Variants in BDP1 observed in about 807,000 individuals in gnomAD.
The protein encoded by BDP1 is transcription factor TFIIIB component B'' homolog.
BDP1 carries 169 observed loss-of-function variants against 266.6 expected under a neutral mutation model. The observed-to-expected ratio is 0.63, with a 90% confidence interval of 0.56 to 0.72. BDP1 has a LOEUF of 0.72. BDP1 is among the 30% of genes least tolerant of loss of function. The pLI is 0.00. For synonymous variants in BDP1, 1,090 were observed against 1,022.4 expected (o/e 1.07, Z -1.26); for missense variants, 3,015 against 3,053.8 (o/e 0.99, Z 0.30).
At chr5:71,506,781 T>TATATATATATATATATATATA in intron 16 of BDP1, among the ~76,000 whole-genome samples, 4 of 106,708 alleles carry the variant, frequency 3.7e-5, no homozygotes, top group African/African-American at 1.3e-4. Flanking sequence ...TATATATATA[T>TATATATATATATATATATATA]TTGAAACACA....
At chr5:71,464,431 G>C (rs892436930) in intron 4 of BDP1, among the ~76,000 whole-genome samples, 2 of 152,072 alleles carry the variant, frequency 1.3e-5, no homozygotes, top group Non-Finnish European at 2.9e-5. Flanking sequence ...CATGTTCAAG[G>C]CTGTAGTGAA....
chr5:71,487,050 T>A (rs1763302467), intron 9 of BDP1, among the ~76,000 whole-genome samples: 1 of 152,220 alleles, frequency 6.6e-6, no homozygotes, highest in Admixed American at 6.5e-5. Context: ...AAGGCTAATG[T>A]TGAGTTGTAA....
intron 31 of BDP1, 94 bp from the exon 32 acceptor site, chr5:71,544,945 C>A: frequency 3.4e-6 from 3 of 882,556 alleles, no homozygotes; most frequent in East Asian, 3.0e-5. Context: ...GTTTGAAAAC[C>A]ATTGAATTAG....
chr5:71,556,643 G>C (rs534793140), intron 35 of BDP1, among the ~76,000 whole-genome samples: 4 of 151,950 alleles, frequency 2.6e-5, no homozygotes, highest in Non-Finnish European at 5.9e-5. Context: ...CTATTTCTTT[G>C]ATACTTTTGC....
intron 18 of BDP1, 43 bp downstream of exon 18, chr5:71,512,471 G>C (rs778035169): frequency 1.5e-6 from 2 of 1,296,480 alleles, no homozygotes; most frequent in Non-Finnish European, 2.1e-6. Flanking sequence ...AGTTATAGTT[G>C]CAGATTACGT....
intron 16 of BDP1, among the ~76,000 whole-genome samples, chr5:71,508,653 A>G (rs1580102126): frequency 6.6e-6 from 1 of 152,144 alleles, no homozygotes; most frequent in Admixed American, 6.6e-5. Context: ...GCCGAATACA[A>G]TCTAGTGTTT....
intron 26 of BDP1, among the ~76,000 whole-genome samples, chr5:71,533,464 G>A (rs1766381186): frequency 6.9e-6 from 1 of 144,804 alleles, no homozygotes; most frequent in South Asian, 2.2e-4. Flanking sequence ...TTTTTGTTCG[G>A]TGGATTTTTT....
In BDP1 at chr5:71,524,164, C is replaced by G; in HGVS notation, c.5613C>G (p.Ser1871=). The change falls in exon 25 of 39, where the codon TCC becomes TCG. Residue 1871 remains serine (S), a synonymous_variant. Transcript: ENST00000358731. ...SKAMLVTLRA[S]QEEDDDADDF... is the part of the protein sequence containing the mutation. ...CCATGCTGGTGACTCTTCGGGCTTC[C>G]CAGGAAGAAGATGATGATGCTGACG... is the stretch of plus-strand genomic sequence containing the variant. 3 of 1,614,126 alleles carry G rather than the reference C, an allele frequency of 1.9e-6. No homozygotes were observed. The highest frequency in any genetic ancestry group is 2.5e-6 in the Non-Finnish European group (3 of 1,180,016).
chr5:71,545,930 G>A (rs959959119), intron 32 of BDP1, among the ~76,000 whole-genome samples: 1 of 152,044 alleles, frequency 6.6e-6, no homozygotes. Context: ...AGCCTGGGAG[G>A]TAGAGGCTGC....
At chr5:71,519,112 G>T (rs995681398) in intron 22 of BDP1, among the ~76,000 whole-genome samples, 25 of 151,892 alleles carry the variant, frequency 1.6e-4, no homozygotes, top group Non-Finnish European at 3.1e-4. Flanking sequence ...GAGCCACTGC[G>T]CCCAACCTGG....
chr5:71,497,549 C>T, intron 13 of BDP1, 123 bp downstream of exon 13: 2 of 681,944 alleles, frequency 2.9e-6, no homozygotes, highest in Non-Finnish European at 4.8e-6. Context: ...GATACAAGAA[C>T]TTACATTAAC....
chr5:71,467,431 C>T lies in BDP1; in HGVS notation c.863C>T (p.Thr288Ile), dbSNP rs1761971547. Residue 288 changes from threonine (T) to isoleucine (I), a missense_variant, in exon 6 of 39, where the codon ACA becomes ATA. Physicochemically the swap from Thr to Ile is moderately conservative, Grantham distance 89. Transcript: ENST00000358731. ...ENDPIFERGS[T>I]TTYSSFRKNY... is the part of the protein sequence containing the mutation. ...GACCCCATATTTGAGCGCGGTTCTA[C>T]AACTACATACTCCAGCTTTAGGAAA... is the stretch of plus-strand genomic sequence containing the variant. The T allele has an allele frequency of 6.2e-7, 1 of 1,610,278 alleles. No individual in the cohort carries two copies. Among genetic ancestry groups the T allele is most frequent in the African/African-American group, 1.3e-5 (1 of 74,842 alleles).
chr5:71,555,687 C>T (rs1458928422), intron 35 of BDP1, among the ~76,000 whole-genome samples: 2 of 152,126 alleles, frequency 1.3e-5, no homozygotes, highest in African/African-American at 4.8e-5. Context: ...GATCCGCCTG[C>T]CTCGGCCTTG....
downstream of BDP1, among the ~76,000 whole-genome samples, chr5:71,570,817 T>C (rs927393554): frequency 6.6e-6 from 1 of 152,226 alleles, no homozygotes; most frequent in Non-Finnish European, 1.5e-5. Context: ...CTGATGCTTC[T>C]GTTACCAAGA....
chr5:71,560,019 A>G lies in BDP1; in HGVS notation c.7278A>G (p.Ser2426=), dbSNP rs962216924. ...AGGGACAAGATATTTTTCTTACCTC[A>G]GGAAGCACACTGACAACTCCAGAAC... ...SHKGQDIFLT[S]GSTLTTPEPQ... Residue 2426 remains serine (S), a synonymous_variant, in exon 37 of 39, where the codon TCA becomes TCG. Transcript: ENST00000358731. 2.5e-6 allele frequency: 4 copies of G among 1,613,772 alleles called. No homozygotes were observed. The highest frequency in any genetic ancestry group is 3.4e-6 in the Non-Finnish European group (4 of 1,180,008).
chr5:71,501,473 C>A, intron 13 of BDP1, 89 bp from the exon 14 acceptor site: 1 of 865,598 alleles, frequency 1.2e-6, no homozygotes, highest in South Asian at 1.5e-5. Context: ...CGTGCCCGGC[C>A]AGTTCTGTTG....
At chr5:71,461,195 G>C (rs140461244) in intron 2 of BDP1, among the ~76,000 whole-genome samples, 1 of 152,180 alleles carries the variant, frequency 6.6e-6, no homozygotes, top group Non-Finnish European at 1.5e-5. Context: ...TGTTGCCCAG[G>C]CTGGTAACTC....
In BDP1 at chr5:71,510,455, CGGAA is replaced by C; in HGVS notation, c.3366_3369del (p.Glu1124PhefsTer10). ...AAATGCAAACAGATTTGAAAGCAAC[CGGAA>C]GGGAGATTTCCCCAAGGGAGAAGAC... On this transcript the variant is annotated frameshift_variant, in exon 17 of 39. Coordinates refer to ENST00000358731, the MANE Select transcript of BDP1 (RefSeq NM_018429.3). LOFTEE classifies it high-confidence loss of function. 6.2e-7 allele frequency: 1 copy of C among 1,606,620 alleles called. No homozygotes were observed. The highest frequency in any genetic ancestry group is 2.3e-5 in the East Asian group (1 of 44,382).
intron 18 of BDP1, among the ~76,000 whole-genome samples, chr5:71,512,909 A>G (rs1169131137): frequency 6.6e-6 from 1 of 151,906 alleles, no homozygotes; most frequent in Non-Finnish European, 1.5e-5. Context: ...TAAAAAAACA[A>G]AAACTAGCTG....
Sources: allele counts gnomAD v4.1 joint callset (sites outside exome capture counted in the v4.1 genomes callset), GRCh38; gene constraint gnomAD v4.1.1; transcripts MANE v1.5; gene names NCBI Gene and HGNC (gene_info 2026-07-23, HGNC 2026-07-21).